The following EAF2 variants were observed in gnomAD, a reference collection of about 807,000 sequenced individuals.
The protein encoded by EAF2 is ELL associated factor 2, also known as ELL-associated factor 2.
EAF2 carries 29 observed loss-of-function variants against 29.4 expected under a neutral mutation model. The observed-to-expected ratio is 0.99, with a 90% confidence interval of 0.73 to 1.35. The LOEUF is 1.35. Among genes scored for constraint, EAF2 ranks in the 40% most tolerant of loss-of-function variants. The pLI, the probability that EAF2 is intolerant of heterozygous loss-of-function variation, is 0.00. For synonymous variants in EAF2, 103 were observed against 102.5 expected (o/e 1.00, Z -0.03); for missense variants, 292 against 312.0 (o/e 0.94, Z 0.48).
At chr3:121,860,033 T>C (rs1205044028) in intron 4 of EAF2, among the ~76,000 whole-genome samples, 1 of 152,248 alleles carries the variant, frequency 6.6e-6, no homozygotes, top group Non-Finnish European at 1.5e-5. Flanking sequence ...GACTTGATCA[T>C]GGTGGATAAG....
intron 2 of EAF2, among the ~76,000 whole-genome samples, chr3:121,845,459 A>AAAAAAAAAAAAAAAAG (rs71133578): frequency 2.4e-4 from 23 of 96,650 alleles, no homozygotes; most frequent in African/African-American, 2.7e-4. Flanking sequence ...AAAAAAAAAA[A>AAAAAAAAAAAAAAAAG]AAAGAAAGAA....
At chr3:121,871,475 C>A (rs1411549803) in intron 4 of EAF2, among the ~76,000 whole-genome samples, 1 of 151,782 alleles carries the variant, frequency 6.6e-6, no homozygotes. Context: ...ATTTATCTAG[C>A]TGTACATTTT....
At position 121,854,684 on chromosome 3, in the gene EAF2, C is replaced by A. The variant is rs910722304; in HGVS notation, c.202-3C>A. On this transcript the variant is annotated splice_region_variant and splice_polypyrimidine_tract_variant and intron_variant, in intron 2 of 5. Transcript: ENST00000273668. ...AAGTAATAATAATTAACTTTTTAAA[C>A]AGGGTTCAACTCCACCAGTAACTGT... is the stretch of plus-strand genomic sequence containing the variant. The A allele has an allele frequency of 6.6e-7, 1 of 1,521,686 alleles. No individual in the cohort carries two copies. Among genetic ancestry groups the A allele is most frequent in the African/African-American group, 1.4e-5 (1 of 69,196 alleles). The allele number at this position is 1,521,686 out of a possible 1,614,324, so 94.3% of individuals were successfully genotyped here.
intron 5 of EAF2, among the ~76,000 whole-genome samples, chr3:121,883,398 A>G (rs1215357207): frequency 6.6e-6 from 1 of 152,266 alleles, no homozygotes; most frequent in Admixed American, 6.5e-5. Context: ...AAGTTTTTAA[A>G]AAATACAAAA....
At chr3:121,847,489 T>C (rs1285590907) in intron 2 of EAF2, among the ~76,000 whole-genome samples, 1 of 152,200 alleles carries the variant, frequency 6.6e-6, no homozygotes, top group Non-Finnish European at 1.5e-5. Flanking sequence ...TGTAGTTACA[T>C]ATGTAGGCAT....
chr3:121,849,062 G>A (rs1174768036), intron 2 of EAF2, among the ~76,000 whole-genome samples: 3 of 152,124 alleles, frequency 2.0e-5, no homozygotes, highest in African/African-American at 7.2e-5. Flanking sequence ...TAAGCAGGTA[G>A]GAGGTTTGCT....
At chr3:121,879,400 C>T (rs1709154440) in intron 5 of EAF2, among the ~76,000 whole-genome samples, 2 of 151,954 alleles carry the variant, frequency 1.3e-5, no homozygotes, top group South Asian at 4.1e-4. Flanking sequence ...TGTGATCCCA[C>T]TTGTCTACTT....
intron 5 of EAF2, among the ~76,000 whole-genome samples, chr3:121,877,927 A>G (rs1196880920): frequency 6.6e-6 from 1 of 152,106 alleles, no homozygotes; most frequent in Non-Finnish European, 1.5e-5. Context: ...TACTGCAGGC[A>G]TATGCCACTG....
chr3:121,845,352 C>T (rs1342770716), intron 2 of EAF2, among the ~76,000 whole-genome samples: 2 of 141,198 alleles, frequency 1.4e-5, no homozygotes, highest in Admixed American at 7.5e-5. Flanking sequence ...GCAGGAGAAT[C>T]GCTGGAACCT....
chr3:121,841,527 AAAAAAAAAAAAAAAAAG>A (rs1559816486), intron 1 of EAF2, among the ~76,000 whole-genome samples: 1 of 30,872 alleles, frequency 3.2e-5, no homozygotes, highest in African/African-American at 1.7e-4. Flanking sequence ...AAAAAAAAAA[AAAAAAAAAAAAAAAAAG>A]AAAGAAAGAA....
At chr3:121,867,949 T>G (rs558134916) in intron 4 of EAF2, among the ~76,000 whole-genome samples, 1 of 152,296 alleles carries the variant, frequency 6.6e-6, no homozygotes, top group East Asian at 1.9e-4. Context: ...CTTTTAAAAC[T>G]TTATAAATTA....
intron 1 of EAF2, among the ~76,000 whole-genome samples, chr3:121,840,527 C>G: frequency 9.6e-6 from 1 of 103,938 alleles, no homozygotes; most frequent in Non-Finnish European, 1.9e-5. Context: ...AAAAACGGGC[C>G]GGGTGCGGTG....
At chr3:121,880,615 G>C (rs943980815) in intron 5 of EAF2, among the ~76,000 whole-genome samples, 1 of 152,022 alleles carries the variant, frequency 6.6e-6, no homozygotes, top group Non-Finnish European at 1.5e-5. Context: ...TATCAATCCT[G>C]AGTTTTTTGT....
chr3:121,859,897 G>C (rs1366963323), intron 4 of EAF2, among the ~76,000 whole-genome samples: 1 of 152,104 alleles, frequency 6.6e-6, no homozygotes. Flanking sequence ...GTTGATTTTT[G>C]TCGAAGGCCT....
intron 4 of EAF2, among the ~76,000 whole-genome samples, chr3:121,868,024 A>C (rs934421580): frequency 1.3e-5 from 2 of 152,214 alleles, no homozygotes; most frequent in African/African-American, 4.8e-5. Flanking sequence ...AAAACAGAGA[A>C]ATGAAATACA....
intron 5 of EAF2, among the ~76,000 whole-genome samples, chr3:121,884,680 C>T (rs1163748675): frequency 6.7e-6 from 1 of 150,196 alleles, no homozygotes; most frequent in Admixed American, 6.7e-5. Context: ...CCACCTCAGC[C>T]TCCCGAAGTG....
At chr3:121,863,298 G>A (rs1708865614) in intron 4 of EAF2, among the ~76,000 whole-genome samples, 1 of 152,176 alleles carries the variant, frequency 6.6e-6, no homozygotes, top group Non-Finnish European at 1.5e-5. Flanking sequence ...CAGAGGTGGA[G>A]TCTACAGATG....
intron 1 of EAF2, chr3:121,836,853 T>G: frequency 1.1e-6 from 1 of 930,772 alleles, no homozygotes; most frequent in Non-Finnish European, 1.3e-6. Context: ...TTATAAAAAT[T>G]TGCTTAAGAA....
chr3:121,855,855 G>A (rs2107517979), intron 3 of EAF2, among the ~76,000 whole-genome samples: 1 of 152,274 alleles, frequency 6.6e-6, no homozygotes, highest in South Asian at 2.1e-4. Flanking sequence ...TTATCTTGCT[G>A]GTAGTCGTTA....
Sources: allele counts gnomAD v4.1 joint callset (sites outside exome capture counted in the v4.1 genomes callset), GRCh38; gene constraint gnomAD v4.1.1; transcripts MANE v1.5; gene names NCBI Gene and HGNC (gene_info 2026-07-23, HGNC 2026-07-21).